Variants in NXPH2 observed in about 807,000 individuals in gnomAD.
NXPH2 encodes neurexophilin-2.
NXPH2 carries 5 observed loss-of-function variants against 19.8 expected under a neutral mutation model. The ratio of observed to expected loss-of-function variants is 0.25; its 90% CI spans 0.13 to 0.53. The LOEUF is 0.53. NXPH2 is among the 20% of genes least tolerant of loss of function. The probability of loss-of-function intolerance (pLI) is 0.96; values close to 1 mark genes in which losing one functional copy is unlikely to be tolerated. For synonymous variants in NXPH2, 154 were observed against 127.4 expected, an observed-to-expected ratio of 1.21 and a Z score of -1.41; for missense variants, 289 against 322.8, an observed-to-expected ratio of 0.90 and a Z score of 0.80.
chr2:138,685,140 A>G (rs1680629041), intron 1 of NXPH2, among the ~76,000 whole-genome samples: 1 of 152,314 alleles, frequency 6.6e-6, no homozygotes, highest in Admixed American at 6.5e-5. Flanking sequence ...AATCAGCTAG[A>G]ATGCCTTAAA....
At chr2:138,675,140 C>T (rs1680467293) in intron 1 of NXPH2, among the ~76,000 whole-genome samples, 1 of 152,178 alleles carries the variant, frequency 6.6e-6, no homozygotes, top group African/African-American at 2.4e-5. Flanking sequence ...GACACTTTAT[C>T]AGCAGAACTA....
At chr2:138,673,363 G>C (rs1304312204) in intron 1 of NXPH2, among the ~76,000 whole-genome samples, 1 of 152,048 alleles carries the variant, frequency 6.6e-6, no homozygotes, top group Non-Finnish European at 1.5e-5. Context: ...TTCTGATTTT[G>C]CACACTTTTT....
intron 1 of NXPH2, among the ~76,000 whole-genome samples, chr2:138,693,584 A>AT (rs549787866): frequency 0.028 from 4,151 of 148,728 alleles, 212 homozygotes; most frequent in African/African-American, 0.097. Flanking sequence ...CCATGTCTTG[A>AT]TTTTTTTTTT....
chr2:138,685,376 T>A (rs916738950), intron 1 of NXPH2, among the ~76,000 whole-genome samples: 1 of 152,218 alleles, frequency 6.6e-6, no homozygotes, highest in African/African-American at 2.4e-5. Flanking sequence ...ATAGATATGC[T>A]CATGTGTAAA....
At chr2:138,759,855 G>A (rs943289303) in intron 1 of NXPH2, among the ~76,000 whole-genome samples, 8 of 149,266 alleles carry the variant, frequency 5.4e-5, no homozygotes, top group South Asian at 2.2e-4. Context: ...TCAGCCTCCC[G>A]CTTAGCTGGG....
intron 1 of NXPH2, among the ~76,000 whole-genome samples, chr2:138,754,444 G>T (rs1053445974): frequency 6.6e-6 from 1 of 152,108 alleles, no homozygotes; most frequent in Non-Finnish European, 1.5e-5. Context: ...AAAGTGTGTG[G>T]TCTTTTAGAC....
chr2:138,717,321 A>T (rs1681209374), intron 1 of NXPH2, among the ~76,000 whole-genome samples: 1 of 152,062 alleles, frequency 6.6e-6, no homozygotes, highest in Non-Finnish European at 1.5e-5. Context: ...ATGATATGGC[A>T]TCTCAAGGCA....
intron 1 of NXPH2, 133 bp from the exon 2 acceptor site, chr2:138,671,798 G>T: frequency 1.1e-6 from 1 of 895,116 alleles, no homozygotes; most frequent in Non-Finnish European, 1.6e-6. Flanking sequence ...CACACACACA[G>T]CCGGGCTCAA....
chr2:138,724,875 T>C (rs1046642291), intron 1 of NXPH2, among the ~76,000 whole-genome samples: 1 of 152,236 alleles, frequency 6.6e-6, no homozygotes, highest in Non-Finnish European at 1.5e-5. Flanking sequence ...TAGGCACTCA[T>C]ACACAATAAA....
intron 1 of NXPH2, among the ~76,000 whole-genome samples, chr2:138,720,020 G>A (rs1272603691): frequency 6.6e-6 from 1 of 151,690 alleles, no homozygotes; most frequent in East Asian, 1.9e-4. Flanking sequence ...TACATTCTTG[G>A]GAATTCTTGC....
chr2:138,748,883 C>A (rs1226917488), intron 1 of NXPH2, among the ~76,000 whole-genome samples: 1 of 152,058 alleles, frequency 6.6e-6, no homozygotes, highest in African/African-American at 2.4e-5. Flanking sequence ...GTAAGGGATG[C>A]TCTGATTATA....
chr2:138,748,724 TACTG>T (rs1368364839), intron 1 of NXPH2, among the ~76,000 whole-genome samples: 19 of 152,244 alleles, frequency 1.2e-4, no homozygotes, highest in Admixed American at 1.2e-3. Flanking sequence ...AGCTTCTACT[TACTG>T]ACTATTGGAT....
At chr2:138,679,395 C>T (rs924847950) in intron 1 of NXPH2, among the ~76,000 whole-genome samples, 2 of 148,262 alleles carry the variant, frequency 1.3e-5, no homozygotes, top group Non-Finnish European at 3.0e-5. Flanking sequence ...GTAGGAGAGG[C>T]CTGAATTTTT....
At chr2:138,730,445 G>A (rs538582486) in intron 1 of NXPH2, among the ~76,000 whole-genome samples, 1 of 152,184 alleles carries the variant, frequency 6.6e-6, no homozygotes, top group African/African-American at 2.4e-5. Context: ...ATGAATTTTG[G>A]GGGCACGATT....
At chr2:138,773,266 C>T (rs1047990632) in intron 1 of NXPH2, among the ~76,000 whole-genome samples, 13 of 152,190 alleles carry the variant, frequency 8.5e-5, no homozygotes, top group Non-Finnish European at 1.5e-4. Context: ...TTCGAGACTA[C>T]GGAAAACACG....
At chr2:138,680,327 G>A (rs939182576) in intron 1 of NXPH2, among the ~76,000 whole-genome samples, 1 of 152,212 alleles carries the variant, frequency 6.6e-6, no homozygotes, top group African/African-American at 2.4e-5. Context: ...TTGTCTACAG[G>A]TAGGAATACT....
chr2:138,711,691 C>T (rs1407235312), intron 1 of NXPH2, among the ~76,000 whole-genome samples: 2 of 152,180 alleles, frequency 1.3e-5, no homozygotes, highest in Non-Finnish European at 2.9e-5. Flanking sequence ...AAAGCCCAGT[C>T]CACCTTTTCC....
At position 138,670,984 on chromosome 2, in the gene NXPH2, C is replaced by A; in HGVS notation, c.733G>T (p.Val245Leu). The A allele has an allele frequency of 6.2e-7, 1 of 1,613,760 alleles. No homozygotes were observed. The highest frequency in any genetic ancestry group is 8.5e-7 in the Non-Finnish European group (1 of 1,179,818). The part of the protein sequence containing the change: ...IAFYSVDYKL[V>L]QKVCPDYNYH... Reference sequence around the variant, plus strand: ...TTGTAGTCAGGGCACACCTTTTGCACGAGTTTATAATCAACACTGTAAAAG... The same window carrying A: ...TTGTAGTCAGGGCACACCTTTTGCAAGAGTTTATAATCAACACTGTAAAAG... Residue 245 changes from valine to leucine, a missense_variant, in exon 2 of 2, where the codon GTG (valine) becomes TTG (leucine). Physicochemically the swap from Val to Leu is conservative, Grantham distance 32 (BLOSUM62 1). Coordinates refer to ENST00000272641, the MANE Select transcript of NXPH2 (RefSeq NM_007226.3).
intron 1 of NXPH2, among the ~76,000 whole-genome samples, chr2:138,726,559 C>CAT (rs1223097940): frequency 7.1e-6 from 1 of 141,434 alleles, no homozygotes; most frequent in African/African-American, 2.5e-5. Context: ...CACACACACA[C>CAT]CCTCCAACAT....
Sources: gnomAD v4.1 joint callset for allele counts (sites outside exome capture counted in the v4.1 genomes callset) on GRCh38, gnomAD v4.1.1 for gene constraint, MANE v1.5 for transcripts, NCBI Gene and HGNC (gene_info 2026-07-23, HGNC 2026-07-21) for gene names.